PDE1C: variants seen among roughly 807,000 people sequenced by gnomAD.
PDE1C encodes the protein phosphodiesterase 1C.
PDE1C carries 62 observed loss-of-function variants against 93.1 expected under a neutral mutation model. The ratio of observed to expected loss-of-function variants is 0.67; its 90% CI spans 0.54 to 0.82. The LOEUF is 0.82. PDE1C is among the 40% of genes least tolerant of loss of function. The pLI is 0.00. For missense variants in PDE1C, 742 were observed against 884.6 expected, an observed-to-expected ratio of 0.84 and a Z score of 2.04; for synonymous variants, 325 against 310.1, an observed-to-expected ratio of 1.05 and a Z score of -0.50.
the PDE1C span, among the ~76,000 whole-genome samples, chr7:31,640,230 C>A: frequency 6.6e-6 from 1 of 152,186 alleles, no homozygotes; most frequent in Non-Finnish European, 1.5e-5. Context: ...GGTTTTGCAT[C>A]TGGCTGGTGG....
At chr7:32,130,792 A>G (rs1039924814) in intron 3 of PDE1C, among the ~76,000 whole-genome samples, 7 of 152,080 alleles carry the variant, frequency 4.6e-5, no homozygotes, top group African/African-American at 1.7e-4. Context: ...AAAAGGAGAG[A>G]GTCAACAATC....
intron 2 of PDE1C, among the ~76,000 whole-genome samples, chr7:32,197,071 G>T (rs1320784140): frequency 6.6e-6 from 1 of 152,240 alleles, no homozygotes; most frequent in East Asian, 1.9e-4. Context: ...CAGTTTTTTT[G>T]TGATGACAAT....
At chr7:32,230,170 A>G (rs1427371075) in intron 1 of PDE1C, among the ~76,000 whole-genome samples, 1 of 152,156 alleles carries the variant, frequency 6.6e-6, no homozygotes, top group Admixed American at 6.5e-5. Flanking sequence ...CCTTGAAGGG[A>G]GGACTCAGCC....
chr7:32,197,020 G>A (rs1189467985), intron 2 of PDE1C, among the ~76,000 whole-genome samples: 1 of 152,118 alleles, frequency 6.6e-6, no homozygotes, highest in Non-Finnish European at 1.5e-5. Flanking sequence ...CACTTTAGGG[G>A]TTTCTATTTT....
chr7:31,988,995 CAAAAAAAAAAAA>C (rs36081234), intron 2 of PDE1C, among the ~76,000 whole-genome samples: 7 of 34,156 alleles, frequency 2.0e-4, no homozygotes, highest in Non-Finnish European at 3.3e-4. Context: ...AACTTCTTCT[CAAAAAAAAAAAA>C]AAAAAAAAAA....
At chr7:32,045,961 G>A (rs1389829892) in intron 2 of PDE1C, among the ~76,000 whole-genome samples, 1 of 152,136 alleles carries the variant, frequency 6.6e-6, no homozygotes, top group East Asian at 1.9e-4. Context: ...CTGACTAAGG[G>A]AATCATTTGC....
In PDE1C at chr7:32,209,504, GT is replaced by G; in HGVS notation, c.120del (p.Leu41TrpfsTer44). ...ATTTACTCACGAGAGAAGCGGGCCA[GT>G]GGTCTGGCATTCTTGTCTCCAGCTT... On this transcript the variant is annotated frameshift_variant, in exon 2 of 19. Transcript: ENST00000396193. LOFTEE classifies it high-confidence loss of function. 1 of 1,574,674 alleles carries G rather than the reference GT, an allele frequency of 6.4e-7. No individual in the cohort carries two copies. Among genetic ancestry groups the G allele is most frequent in the Non-Finnish European group, 8.6e-7 (1 of 1,160,788 alleles).
chr7:32,329,042 G>A (rs770690211), intron 1 of PDE1C, among the ~76,000 whole-genome samples: 3 of 152,052 alleles, frequency 2.0e-5, no homozygotes, highest in Non-Finnish European at 4.4e-5. Context: ...GACCAGCCTG[G>A]GCAACACGGC....
the PDE1C span, among the ~76,000 whole-genome samples, chr7:31,672,757 G>A: frequency 1.8e-3 from 278 of 152,162 alleles, 1 homozygote; most frequent in Non-Finnish European, 3.1e-3. Flanking sequence ...GGCAGTAAAC[G>A]GAATGGGAAA....
exon 1 of PDE1C, chr7:32,299,154 T>G: frequency 1.0e-6 from 1 of 1,002,684 alleles, no homozygotes; most frequent in Non-Finnish European, 1.2e-6. Flanking sequence ...TCTCCTTCCG[T>G]CTCTGGTGGC....
chr7:31,720,367 G>A, the PDE1C span, among the ~76,000 whole-genome samples: 9 of 152,232 alleles, frequency 5.9e-5, no homozygotes, highest in Non-Finnish European at 2.9e-5. Context: ...CACCGCACTA[G>A]GTAAGTAGGC....
the PDE1C span, among the ~76,000 whole-genome samples, chr7:31,680,146 C>T: frequency 1.3e-5 from 2 of 152,170 alleles, no homozygotes; most frequent in African/African-American, 4.8e-5. Flanking sequence ...AATTAATATT[C>T]AAGCAAAGCT....
intron 1 of PDE1C, among the ~76,000 whole-genome samples, chr7:32,249,549 G>C (rs1809209649): frequency 6.6e-6 from 1 of 152,114 alleles, no homozygotes; most frequent in South Asian, 2.1e-4. Context: ...AGAGGACAAA[G>C]GACACCCAAA....
chr7:32,285,217 T>C (rs1811924997), intron 1 of PDE1C, among the ~76,000 whole-genome samples: 1 of 152,176 alleles, frequency 6.6e-6, no homozygotes, highest in Non-Finnish European at 1.5e-5. Context: ...ATTCCTCTTC[T>C]TTAAAACTCC....
At chr7:31,697,670 G>A in the PDE1C span, among the ~76,000 whole-genome samples, 10 of 152,292 alleles carry the variant, frequency 6.6e-5, no homozygotes, top group South Asian at 2.1e-4. Flanking sequence ...AATAAGACAC[G>A]TATATTCATG....
At chr7:32,390,194 A>G (rs1458546481) in intron 1 of PDE1C, among the ~76,000 whole-genome samples, 2 of 152,336 alleles carry the variant, frequency 1.3e-5, no homozygotes, top group East Asian at 3.9e-4. Context: ...ACACATATAC[A>G]GAATAATAAA....
At chr7:32,090,700 TC>T (rs1348017101) in intron 3 of PDE1C, among the ~76,000 whole-genome samples, 1 of 152,190 alleles carries the variant, frequency 6.6e-6, no homozygotes, top group Non-Finnish European at 1.5e-5. Context: ...CCTTTAAGAA[TC>T]TGATAAAAGT....
intron 3 of PDE1C, among the ~76,000 whole-genome samples, chr7:32,147,535 G>A (rs1487905317): frequency 6.6e-6 from 1 of 152,112 alleles, no homozygotes; most frequent in Non-Finnish European, 1.5e-5. Flanking sequence ...TGGTCCAGGA[G>A]GTCTAGTGTA....
intron 7 of PDE1C, among the ~76,000 whole-genome samples, chr7:31,857,859 C>G (rs1163722656): frequency 1.3e-5 from 2 of 152,132 alleles, no homozygotes; most frequent in Non-Finnish European, 2.9e-5. Context: ...CGTGTAGGTA[C>G]ATTCATAAAT....
Sources: gnomAD v4.1 joint callset for allele counts (sites outside exome capture counted in the v4.1 genomes callset) on GRCh38, gnomAD v4.1.1 for gene constraint, MANE v1.5 for transcripts, NCBI Gene and HGNC (gene_info 2026-07-23, HGNC 2026-07-21) for gene names.